CFAP44: variants seen among roughly 807,000 people sequenced by gnomAD.
CFAP44 encodes the protein cilia- and flagella-associated protein 44.
CFAP44 carries 134 observed loss-of-function variants against 216.2 expected under a neutral mutation model. That is an observed-to-expected ratio of 0.62 (90% CI 0.54 to 0.72). The LOEUF (loss-of-function observed/expected upper bound fraction) is 0.72, where lower values mean the gene tolerates loss of function less well. Among genes scored for constraint, CFAP44 ranks in the 30% least tolerant of loss-of-function variants. The probability of loss-of-function intolerance (pLI) is 0.00; values close to 1 mark genes in which losing one functional copy is unlikely to be tolerated. For missense variants in CFAP44, 2,035 were observed against 2,182.1 expected (o/e 0.93, Z 1.34); for synonymous variants, 700 against 727.6 (o/e 0.96, Z 0.61).
chr3:113,329,851 G>A (rs988673992), intron 26 of CFAP44, among the ~76,000 whole-genome samples: 1 of 152,142 alleles, frequency 6.6e-6, no homozygotes, highest in Non-Finnish European at 1.5e-5. Context: ...TCATCTAAAA[G>A]CTGCTCCTCC....
At position 113,287,141 on chromosome 3, in the gene CFAP44, C is replaced by A; in HGVS notation, c.*4416G>T. 1 of 456,752 alleles carries A rather than the reference C, an allele frequency of 2.2e-6. No homozygotes were observed. The highest frequency in any genetic ancestry group is 1.7e-5 in the South Asian group (1 of 59,614). The allele number at this position is 456,752 out of a possible 1,614,324, so 28.3% of individuals were successfully genotyped here. A position where few individuals can be genotyped will look rare whatever the true frequency, so the allele number is the denominator to read the frequency against. ...CGCGGGACAGACTCCTAACCTGGGG[C>A]CTCTGCAGTGGCAGGCGAGGCTGCA... is the stretch of plus-strand genomic sequence containing the variant. On this transcript the variant is annotated 3_prime_UTR_variant, in exon 35 of 35. Coordinates refer to ENST00000393845, the MANE Select transcript of CFAP44 (RefSeq NM_001164496.2).
rs532499837 is a variant in CFAP44 at position 113,294,874 on chromosome 3, A to G, written c.5239-53T>C. The G allele has an allele frequency of 2.7e-6, 4 of 1,476,752 alleles. No homozygotes were observed. In the Admixed American group the frequency reaches 7.6e-5, roughly 28 times the overall value. The allele number at this position is 1,476,752 out of a possible 1,614,324, so 91.5% of individuals were successfully genotyped here. A position where few individuals can be genotyped will look rare whatever the true frequency, so the allele number is the denominator to read the frequency against. On this transcript the variant is annotated intron_variant, in intron 33 of 34. Transcript: ENST00000393845. ...ATGTAGTGAATACGAGAAGAAAGAA[A>G]GAAAAATGAGTGTCCAGATTTGGTC...
At chr3:113,388,343 G>T (rs558245434) in intron 15 of CFAP44, among the ~76,000 whole-genome samples, 1 of 152,102 alleles carries the variant, frequency 6.6e-6, no homozygotes, top group Admixed American at 6.5e-5. Flanking sequence ...TAAAATAACA[G>T]GTTATAAGAT....
In CFAP44 at chr3:113,425,965, A is replaced by T. The variant is rs528005683; in HGVS notation, c.407+159T>A. ...TTGTTGTGTGATGGCAGCCATAATA[A>T]ACAAAATGTAAGCAAATGGATGTGG... On this transcript the variant is annotated intron_variant, in intron 4 of 34. Transcript: ENST00000393845. 33 of 833,672 alleles carry T rather than the reference A, an allele frequency of 4.0e-5. No homozygotes were observed. The East Asian group carries it at 8.6e-4, about 22-fold the overall frequency. 51.6% of individuals were successfully genotyped at this position (833,672 alleles called of 1,614,324 possible). A position where few individuals can be genotyped will look rare whatever the true frequency, so the allele number is the denominator to read the frequency against.
rs375452765 is a variant in CFAP44, at chr3:113,355,259, G to A, written c.3065+3486C>T. On this transcript the variant is annotated intron_variant, in intron 22 of 34. Transcript: ENST00000393845. Reference sequence around the variant, plus strand: ...ATTTAAGCCAGGCGTGGTGGCTCACGCTTGTAATCCCAGCACTTTGGGAGG... The same window carrying A: ...ATTTAAGCCAGGCGTGGTGGCTCACACTTGTAATCCCAGCACTTTGGGAGG... 4.6e-5 allele frequency among the ~76,000 whole-genome samples: 7 copies of A among 152,220 alleles called. No homozygotes were observed. In the South Asian group the frequency reaches 6.2e-4, roughly 14 times the overall value.
chr3:113,427,381 C>T (rs1165747136), intron 2 of CFAP44, 42 bp from the exon 3 acceptor site: 2 of 1,477,542 alleles, frequency 1.4e-6, no homozygotes, highest in East Asian at 2.4e-5. Context: ...TTTGATTAAA[C>T]ATTTTCTTAT....
chr3:113,374,605 G>C (rs115149191), intron 17 of CFAP44, among the ~76,000 whole-genome samples: 12,313 of 152,062 alleles, frequency 0.081, 595 homozygotes, highest in East Asian at 0.15. Flanking sequence ...ATTCACAATA[G>C]CCAAAAGGTG....
intron 18 of CFAP44, among the ~76,000 whole-genome samples, chr3:113,372,153 T>C (rs1306271513): frequency 6.6e-6 from 1 of 152,210 alleles, no homozygotes; most frequent in Middle Eastern, 3.2e-3. Context: ...AGTTCAACCA[T>C]TGTGGAAGAC....
chr3:113,377,926 C>T (rs773762208), intron 17 of CFAP44, among the ~76,000 whole-genome samples: 2 of 152,142 alleles, frequency 1.3e-5, no homozygotes, highest in Admixed American at 6.5e-5. Flanking sequence ...GCTGAGATTA[C>T]AGGTGTGAGC....
At chr3:113,335,503 G>A (rs1185294094) in intron 24 of CFAP44, among the ~76,000 whole-genome samples, 1 of 152,228 alleles carries the variant, frequency 6.6e-6, no homozygotes, top group African/African-American at 2.4e-5. Context: ...CTGTACATGT[G>A]TAATGTGAAC....
intron 24 of CFAP44, among the ~76,000 whole-genome samples, chr3:113,338,756 T>G (rs925491586): frequency 6.6e-6 from 1 of 152,194 alleles, no homozygotes; most frequent in Admixed American, 6.5e-5. Context: ...GAAGGGGACC[T>G]TGGCCTTACT....
Position 113,296,904 on chromosome 3 carries a change from T to C in CFAP44, c.5078-19A>G. ...TCCATTTCTAAAAGAAGACAGTCAC[T>C]GGCTCAGGTTGTTCAATGGCTCCCA... is the stretch of plus-strand genomic sequence containing the variant. On this transcript the variant is annotated intron_variant, in intron 32 of 34. Transcript: ENST00000393845. 6.5e-7 allele frequency: 1 copy of C among 1,537,204 alleles called. No homozygotes were observed. The highest frequency in any genetic ancestry group is 8.7e-7 in the Non-Finnish European group (1 of 1,146,836).
At position 113,291,645 on chromosome 3, in the gene CFAP44, T is replaced by A; in HGVS notation, c.5477A>T (p.Glu1826Val). 6.5e-7 allele frequency: 1 copy of A among 1,537,318 alleles called. No individual in the cohort carries two copies. Among genetic ancestry groups the A allele is most frequent in the Non-Finnish European group, 8.7e-7 (1 of 1,146,932 alleles). Residue 1826 changes from glutamate to valine, a missense_variant, in exon 35 of 35, where the codon GAG becomes GTG. Transcript: ENST00000393845. ...GCCTTTCCTACGCAAAAGAGCAATC[T>A]CCTCCTTTAAGGCCGAAATCCTTTC... The part of the protein sequence containing the change: ...QAERISALKE[E>V]IALLRRKGSL...
intron 32 of CFAP44, among the ~76,000 whole-genome samples, chr3:113,300,323 ATAACT>A (rs1292039762): frequency 6.6e-6 from 1 of 152,150 alleles, no homozygotes; most frequent in African/African-American, 2.4e-5. Context: ...ATGGTGAATA[ATAACT>A]TAATTGTACA....
intron 28 of CFAP44, among the ~76,000 whole-genome samples, chr3:113,309,892 A>G (rs1219135720): frequency 6.6e-6 from 1 of 152,230 alleles, no homozygotes; most frequent in Non-Finnish European, 1.5e-5. Flanking sequence ...GAAAGCCTCA[A>G]CAAAAGCTTG....
rs772205142 is a variant in CFAP44, at chr3:113,399,907, AT to A, written c.1567del (p.Met523TrpfsTer2). ...GGTALVWVPR[M>X]VNFTGAQIIV... ...AGTTCATTATAACAACAAACTTACC[AT>A]TCGGGGTACCCAAACAAGGGCAGTA... On this transcript the variant is annotated frameshift_variant and splice_region_variant, in exon 13 of 35. Coordinates refer to ENST00000393845, the MANE Select transcript of CFAP44 (RefSeq NM_001164496.2). LOFTEE classifies it high-confidence loss of function. The A allele has an allele frequency of 3.2e-6, 5 of 1,576,972 alleles. No homozygotes were observed. The East Asian group carries it at 1.1e-4, about 36-fold the overall frequency.
chr3:113,301,190 C>T (rs902468983), intron 32 of CFAP44, among the ~76,000 whole-genome samples: 4 of 152,034 alleles, frequency 2.6e-5, no homozygotes, highest in East Asian at 3.8e-4. Flanking sequence ...TGCTATATTA[C>T]GTCTACTCTT....
intron 22 of CFAP44, among the ~76,000 whole-genome samples, chr3:113,350,644 C>A (rs1242772740): frequency 1.3e-5 from 2 of 152,208 alleles, no homozygotes; most frequent in East Asian, 3.8e-4. Context: ...CCGTAGCCTT[C>A]CTATCAGAGA....
At chr3:113,338,486 T>C (rs1457003524) in intron 24 of CFAP44, among the ~76,000 whole-genome samples, 1 of 151,748 alleles carries the variant, frequency 6.6e-6, no homozygotes, top group African/African-American at 2.4e-5. Flanking sequence ...TCACTAAAAA[T>C]ATATAGATGG....
Sources: gnomAD v4.1 joint callset for allele counts (sites outside exome capture counted in the v4.1 genomes callset) on GRCh38, gnomAD v4.1.1 for gene constraint, MANE v1.5 for transcripts, NCBI Gene and HGNC (gene_info 2026-07-23, HGNC 2026-07-21) for gene names.